Variants in AUTS2 observed in about 807,000 individuals in gnomAD.
AUTS2 encodes the protein activator of transcription and developmental regulator AUTS2.
In AUTS2, 17 loss-of-function variants were observed where a neutral mutation model predicts 112.4. The observed-to-expected ratio is 0.15, with a 90% CI of 0.10 to 0.23. The LOEUF (loss-of-function observed/expected upper bound fraction) is 0.23. AUTS2 is among the 10% of genes least tolerant of loss of function. The pLI is 1.00. For missense variants in AUTS2, 1,510 were observed against 1,701.6 expected (o/e 0.89, Z 1.98); for synonymous variants, 751 against 702.7 (o/e 1.07, Z -1.09).
chr7:69,762,192 C>T (rs752344362), intron 1 of AUTS2, among the ~76,000 whole-genome samples: 6 of 151,606 alleles, frequency 4.0e-5, no homozygotes, highest in African/African-American at 4.9e-5. Context: ...GTTTAACTAC[C>T]GGTAACATAA....
rs539273772 is a variant in AUTS2 at position 70,551,658 on chromosome 7, C to T, written c.690+115877C>T. ...GGCCACCCTAGATGGGATCCTGGGA[C>T]AGAGCAAAGATACTAAGTACAAATT... On this transcript the variant is annotated intron_variant, in intron 5 of 18. Transcript: ENST00000342771. Among the ~76,000 whole-genome samples, 4 of 152,212 alleles carry T rather than the reference C, an allele frequency of 2.6e-5. No individual in the cohort carries two copies. In the South Asian group the frequency reaches 8.3e-4, roughly 32 times the overall value.
At chr7:70,612,792 AT>A (rs111626540) in intron 5 of AUTS2, among the ~76,000 whole-genome samples, 51 of 150,342 alleles carry the variant, frequency 3.4e-4, no homozygotes, top group Middle Eastern at 3.4e-3. Flanking sequence ...TCTTTTCTAC[AT>A]TTTTTTTTTA....
intron 1 of AUTS2, among the ~76,000 whole-genome samples, chr7:69,680,614 C>T (rs1796748584): frequency 6.6e-6 from 1 of 152,258 alleles, no homozygotes; most frequent in Admixed American, 6.5e-5. Context: ...TCCCTTGTTC[C>T]CTCCAGCCCC....
intron 1 of AUTS2, among the ~76,000 whole-genome samples, chr7:69,752,398 A>G (rs1005127917): frequency 5.9e-5 from 9 of 152,204 alleles, no homozygotes; most frequent in Admixed American, 6.6e-5. Flanking sequence ...TAATATAGGA[A>G]TTAGTCTTTT....
At chr7:70,107,091 C>T (rs1804804201) in intron 2 of AUTS2, among the ~76,000 whole-genome samples, 2 of 152,052 alleles carry the variant, frequency 1.3e-5, no homozygotes, top group African/African-American at 4.8e-5. Flanking sequence ...TTTTCAAATG[C>T]CAGGATGAAG....
intron 2 of AUTS2, among the ~76,000 whole-genome samples, chr7:69,939,996 G>A (rs1056873006): frequency 1.3e-5 from 2 of 152,178 alleles, no homozygotes; most frequent in Non-Finnish European, 2.9e-5. Context: ...CATTCTTTCA[G>A]TGCTTACTGT....
chr7:70,076,750 T>G (rs1449164081), intron 2 of AUTS2, among the ~76,000 whole-genome samples: 1 of 152,198 alleles, frequency 6.6e-6, no homozygotes, highest in Non-Finnish European at 1.5e-5. Flanking sequence ...TCTTTCAGGC[T>G]TAAATGTTGA....
At position 70,694,668 on chromosome 7, in the gene AUTS2, C is replaced by A. The variant is rs1217640518; in HGVS notation, c.691-3901C>A. Reference sequence around the variant, plus strand: ...CCGGGACGCGCCTTGTTAGCCCCCGCCGCGCCAGCGCGGCCCCGCGCGCCG... The same window carrying A: ...CCGGGACGCGCCTTGTTAGCCCCCGACGCGCCAGCGCGGCCCCGCGCGCCG... On this transcript the variant is annotated intron_variant, in intron 5 of 18. Coordinates refer to ENST00000342771, the MANE Select transcript of AUTS2 (RefSeq NM_015570.4). This position sits in a 1 kb window ranked among gnomAD's most constrained non-coding sequence, Gnocchi z 4.1. The A allele has an allele frequency of 1.4e-5, 2 of 147,666 alleles. No individual in the cohort carries two copies. Among genetic ancestry groups the A allele is most frequent in the Non-Finnish European group, 3.0e-5 (2 of 66,422 alleles). The allele number at this position is 147,666 out of a possible 1,614,324, so 9.1% of individuals were successfully genotyped here. A position where few individuals can be genotyped will look rare whatever the true frequency, so the allele number is the denominator to read the frequency against.
At chr7:70,746,897 G>A (rs1232733045) in intron 6 of AUTS2, among the ~76,000 whole-genome samples, 1 of 152,184 alleles carries the variant, frequency 6.6e-6, no homozygotes, top group South Asian at 2.1e-4. Flanking sequence ...GGCGGACAGT[G>A]GATTCTGTAA....
At chr7:70,713,196 A>G (rs1484976053) in intron 6 of AUTS2, among the ~76,000 whole-genome samples, 2 of 152,230 alleles carry the variant, frequency 1.3e-5, no homozygotes, top group Non-Finnish European at 2.9e-5. Context: ...CAGGTGCTGC[A>G]TCACCAATGC....
intron 4 of AUTS2, among the ~76,000 whole-genome samples, chr7:70,321,947 A>C (rs891581248): frequency 6.6e-6 from 1 of 152,202 alleles, no homozygotes; most frequent in African/African-American, 2.4e-5. Flanking sequence ...TGGTCAGTCC[A>C]AGTGAGAAAA....
chr7:70,620,661 C>T (rs982034062), intron 5 of AUTS2, among the ~76,000 whole-genome samples: 8 of 152,026 alleles, frequency 5.3e-5, no homozygotes, highest in Admixed American at 1.3e-4. Flanking sequence ...GATTTCTCAC[C>T]CTTTTCATTT....
chr7:70,282,339 G>C (rs1219283042), intron 4 of AUTS2, among the ~76,000 whole-genome samples: 2 of 152,126 alleles, frequency 1.3e-5, no homozygotes, highest in African/African-American at 4.8e-5. Context: ...CACTCAGGCT[G>C]CTATAACAAA....
At chr7:69,635,149 G>A (rs1398790270) in intron 1 of AUTS2, among the ~76,000 whole-genome samples, 2 of 152,112 alleles carry the variant, frequency 1.3e-5, no homozygotes, top group African/African-American at 4.8e-5. Flanking sequence ...TTAAAATTAA[G>A]GTCAGTTAAA....
At chr7:69,901,380 C>T (rs886362135) in intron 2 of AUTS2, among the ~76,000 whole-genome samples, 9 of 152,004 alleles carry the variant, frequency 5.9e-5, no homozygotes, top group African/African-American at 9.7e-5. Context: ...TTCTTCTAGA[C>T]GTGATCTGAC....
intron 4 of AUTS2, among the ~76,000 whole-genome samples, chr7:70,214,333 A>G (rs1311011753): frequency 6.6e-6 from 1 of 152,160 alleles, no homozygotes. Flanking sequence ...TTTTCTCCCA[A>G]GCTCATTCTT....
At chr7:69,889,660 A>T (rs1794433135) in intron 1 of AUTS2, among the ~76,000 whole-genome samples, 1 of 152,346 alleles carries the variant, frequency 6.6e-6, no homozygotes, top group South Asian at 2.1e-4. Context: ...AACATATTAC[A>T]TGTAAAAAGA....
chr7:69,753,055 G>T (rs2129271764), intron 1 of AUTS2, among the ~76,000 whole-genome samples: 1 of 152,278 alleles, frequency 6.6e-6, no homozygotes, highest in Non-Finnish European at 1.5e-5. Context: ...TGGCTTCACT[G>T]AATGGCCTAG....
intron 1 of AUTS2, among the ~76,000 whole-genome samples, chr7:69,877,325 T>C (rs1415971406): frequency 6.6e-6 from 1 of 152,218 alleles, no homozygotes; most frequent in East Asian, 1.9e-4. Flanking sequence ...ACTTTTTTGA[T>C]TGTGAACCCC....
Sources: gnomAD v4.1 joint callset for allele counts (sites outside exome capture counted in the v4.1 genomes callset) on GRCh38, gnomAD v4.1.1 for gene constraint, Gnocchi (gnomAD v3.1) non-coding constraint, MANE v1.5 for transcripts, NCBI Gene and HGNC (gene_info 2026-07-23, HGNC 2026-07-21) for gene names.